Variants in SUSD2 observed in about 807,000 individuals in gnomAD.
SUSD2 encodes sushi domain-containing protein 2.
Under a neutral mutation model 93.8 loss-of-function variants are expected in SUSD2, and 86 were observed. The observed-to-expected ratio is 0.92, with a 90% confidence interval of 0.77 to 1.10. SUSD2 has a LOEUF of 1.10. Ranked by LOEUF, SUSD2 falls within the 50% of genes least tolerant of loss-of-function variation. The pLI is 0.00. For missense variants in SUSD2, 1,060 were observed against 1,137.0 expected (o/e 0.93, Z 0.97); for synonymous variants, 483 against 485.0 (o/e 1.00, Z 0.05).
chr22:24,183,715 G>A lies in SUSD2; in HGVS notation c.439+69G>A, dbSNP rs1399644065. On this transcript the variant is annotated intron_variant, in intron 3 of 14. Transcript: ENST00000358321. ...TCCCCAGCGCTAATCTATGCACACC[G>A]AGACTTGGCCTGTCCGTGCCCTGCC... 2.2e-5 allele frequency: 33 copies of A among 1,522,178 alleles called. No homozygotes were observed. The Middle Eastern group carries it at 7.9e-4, about 37-fold the overall frequency. 94.3% of individuals were successfully genotyped at this position (1,522,178 alleles called of 1,614,324 possible). A position where few individuals can be genotyped will look rare whatever the true frequency, so the allele number is the denominator to read the frequency against.
At position 24,187,422 on chromosome 22, in the gene SUSD2, C is replaced by T. The variant is rs753229163; in HGVS notation, c.1863C>T (p.Pro621=). The T allele has an allele frequency of 3.1e-6, 5 of 1,613,270 alleles. No homozygotes were observed. In the East Asian group the frequency reaches 1.1e-4, roughly 36 times the overall value. Reference sequence around the variant, plus strand: ...GCGTCCTGCCCCCAGGCACCAGTCCCCAGGAGCTGTTCCTGTTTGGGGCCA... The same window carrying T: ...GCGTCCTGCCCCCAGGCACCAGTCCTCAGGAGCTGTTCCTGTTTGGGGCCA... ...SGRVLPPGTS[P]QELFLFGANW... Residue 621 remains proline, a synonymous_variant, in exon 11 of 15, where the codon CCC becomes CCT. Transcript: ENST00000358321.
chr22:24,184,852 T>G lies in SUSD2; in HGVS notation c.694T>G (p.Phe232Val), dbSNP rs1333092068. 6.2e-7 allele frequency: 1 copy of G among 1,613,984 alleles called. No homozygotes were observed. The highest frequency in any genetic ancestry group is 1.7e-5 in the Admixed American group (1 of 60,012). Residue 232 changes from phenylalanine (F) to valine (V), a missense_variant, in exon 5 of 15, where the codon TTC (phenylalanine) becomes GTC (valine). This residue lies in a region of SUSD2 where 973 missense variants were observed against 1,005.3 expected (regional missense o/e 0.97). Transcript: ENST00000358321. ...THIPNSGSFT[F>V]TPKPAPPSYQ... ...CATCCCCAACTCCGGCTCTTTCACT[T>G]TCACCCCAAAACCTGCTCCTCCCAG... is the stretch of plus-strand genomic sequence containing the variant.
rs1332341195 is a variant in SUSD2 at position 24,188,457 on chromosome 22, G to A, written c.*21G>A. On this transcript the variant is annotated 3_prime_UTR_variant, in exon 15 of 15. Coordinates refer to ENST00000358321, the MANE Select transcript of SUSD2 (RefSeq NM_019601.4). This position sits in a 1 kb window ranked among gnomAD's most constrained non-coding sequence, Gnocchi z 4.7. ...CCTGATGGGAGCAGCTTGGCTGTGA[G>A]CACCAGGCCAAGACTCCTGAGAACA... is the stretch of plus-strand genomic sequence containing the variant. 1 of 1,607,304 alleles carries A rather than the reference G, an allele frequency of 6.2e-7. No individual in the cohort carries two copies. Among genetic ancestry groups the A allele is most frequent in the Non-Finnish European group, 8.5e-7 (1 of 1,178,538 alleles).
chr22:24,188,182 C>T lies in SUSD2; in HGVS notation c.2342-43C>T, dbSNP rs748027327. On this transcript the variant is annotated intron_variant, in intron 13 of 14. Coordinates refer to ENST00000358321, the MANE Select transcript of SUSD2 (RefSeq NM_019601.4). This position sits in a 1 kb window ranked among gnomAD's most constrained non-coding sequence, Gnocchi z 4.7. ...ACCTGCCTGCACCTGTCCCCACTCA[C>T]CACCCCAGAGAGCCCCCTCACTGAC... 8 of 1,595,166 alleles carry T rather than the reference C, an allele frequency of 5.0e-6. No homozygotes were observed. In the Admixed American group the frequency reaches 1.2e-4, roughly 24 times the overall value.
chr22:24,187,869 C>T lies in SUSD2; in HGVS notation c.2164+26C>T, dbSNP rs764095441. 5.2e-5 allele frequency: 56 copies of T among 1,076,228 alleles called. 1 individual carries two copies. The highest frequency in any genetic ancestry group is 4.7e-5 in the Non-Finnish European group (34 of 725,592). 66.7% of individuals were successfully genotyped at this position (1,076,228 alleles called of 1,614,324 possible). A position where few individuals can be genotyped will look rare whatever the true frequency, so the allele number is the denominator to read the frequency against. On this transcript the variant is annotated intron_variant, in intron 12 of 14. Transcript: ENST00000358321. ...GTGAGGGCGGGCAGGTGGGGGTGGG[C>T]GGGGAGCTGGGACAGGACCCCCCGG...
At position 24,184,319 on chromosome 22, in the gene SUSD2, G is replaced by T. The variant is rs1456825826; in HGVS notation, c.607+16G>T. The T allele has an allele frequency of 6.2e-7, 1 of 1,610,920 alleles. No individual in the cohort carries two copies. The highest frequency in any genetic ancestry group is 8.5e-7 in the Non-Finnish European group (1 of 1,178,552). ...GAGGAGACAGGTGAGGCCAGCTGAG[G>T]GCTGGGGTGGCATCAGAGCTTTGGG... On this transcript the variant is annotated intron_variant, in intron 4 of 14. Transcript: ENST00000358321.
chr22:24,181,680 C>A, intron 1 of SUSD2, 85 bp downstream of exon 1: 3 of 1,100,190 alleles, frequency 2.7e-6, no homozygotes, highest in Non-Finnish European at 3.9e-6. Flanking sequence ...CTGGGCTCAG[C>A]CTCTGTCCAT....
chr22:24,185,755 G>A lies in SUSD2; in HGVS notation c.1165G>A (p.Gly389Ser), dbSNP rs375763524. ...CAGCGGCGGCAGCACTCCCGACCGC[G>A]GCCATGACTGGGGCGCACCCCCGTT... ...DSSGGSTPDR[G>S]HDWGAPPFRT... Residue 389 changes from glycine to serine, a missense_variant, in exon 8 of 15, where the codon GGC becomes AGC. This residue lies in a region of SUSD2 where 973 missense variants were observed against 1,005.3 expected (regional missense o/e 0.97). Coordinates refer to ENST00000358321, the MANE Select transcript of SUSD2 (RefSeq NM_019601.4). 29 of 1,609,066 alleles carry A rather than the reference G, an allele frequency of 1.8e-5. No homozygotes were observed. Among genetic ancestry groups the A allele is most frequent in the African/African-American group, 1.6e-4 (12 of 74,864 alleles).
chr22:24,183,514 A>C lies in SUSD2; in HGVS notation c.307A>C (p.Thr103Pro), dbSNP rs751641827. The C allele has an allele frequency of 8.1e-6, 13 of 1,612,588 alleles. No homozygotes were observed. The highest frequency in any genetic ancestry group is 6.7e-5 in the Admixed American group (4 of 60,002). ...VICRFKDSIQ[T>P]LGHVDSSGQV... is the part of the protein sequence containing the mutation. ...CCACAGGTTTAAGGACAGCATCCAG[A>C]CCCTCGGCCATGTGGACTCCTCCGG... Residue 103 changes from threonine (T) to proline (P), a missense_variant, in exon 3 of 15, where the codon ACC becomes CCC. This residue lies in a region of SUSD2 where 973 missense variants were observed against 1,005.3 expected (regional missense o/e 0.97). Coordinates refer to ENST00000358321, the MANE Select transcript of SUSD2 (RefSeq NM_019601.4).
At chr22:24,183,679 C>A (rs1265166263) in intron 3 of SUSD2, 33 bp downstream of exon 3, 15 of 1,599,432 alleles carry the variant, frequency 9.4e-6, no homozygotes, top group Middle Eastern at 1.7e-4. Context: ...AGCCTGCCCC[C>A]ACGGGGACTT....
In SUSD2 at chr22:24,187,750, T is replaced by C; in HGVS notation, c.2071T>C (p.Phe691Leu). Residue 691 changes from phenylalanine to leucine, a missense_variant, in exon 12 of 15, where the codon TTT becomes CTT. Physicochemically the swap from Phe to Leu is conservative, Grantham distance 22 (BLOSUM62 0). This residue lies in a region of SUSD2 where 973 missense variants were observed against 1,005.3 expected (regional missense o/e 0.97). Coordinates refer to ENST00000358321, the MANE Select transcript of SUSD2 (RefSeq NM_019601.4). ...KLCGDDHFCN[F>L]DVAATGSLST... Reference sequence around the variant, plus strand: ...ATGTGGGGACGATCATTTCTGCAACTTTGATGTGGCAGCCACTGGGAGCCT... The same window carrying C: ...ATGTGGGGACGATCATTTCTGCAACCTTGATGTGGCAGCCACTGGGAGCCT... 6.2e-7 allele frequency: 1 copy of C among 1,613,980 alleles called. No homozygotes were observed. The highest frequency in any genetic ancestry group is 1.1e-5 in the South Asian group (1 of 91,086).
Position 24,188,704 on chromosome 22 carries a change from T to G in SUSD2, c.*268T>G. On this transcript the variant is annotated 3_prime_UTR_variant, in exon 15 of 15. Transcript: ENST00000358321. This position sits in a 1 kb window ranked among gnomAD's most constrained non-coding sequence, Gnocchi z 4.7. The stretch of plus-strand genomic sequence containing the variant: ...GAAACTTCATACCCTGGGATTCTAA[T>G]ACCTATGTCCTGAGCCCTGACACTC... 1 of 481,610 alleles carries G rather than the reference T, an allele frequency of 2.1e-6. No individual in the cohort carries two copies. The allele number at this position is 481,610 out of a possible 1,614,324, so 29.8% of individuals were successfully genotyped here. A position where few individuals can be genotyped will look rare whatever the true frequency, so the allele number is the denominator to read the frequency against.
chr22:24,184,120 C>T lies in SUSD2; in HGVS notation c.440-16C>T. ...TGGGCCCAGGCCCTCACTCACCCCTCACCTCCCCTGCCCAGTGCACCCCAA... is the reference window on the plus strand; with the variant it reads ...TGGGCCCAGGCCCTCACTCACCCCTTACCTCCCCTGCCCAGTGCACCCCAA... On this transcript the variant is annotated splice_polypyrimidine_tract_variant and intron_variant, in intron 3 of 14. Transcript: ENST00000358321. 1 of 1,611,402 alleles carries T rather than the reference C, an allele frequency of 6.2e-7. No homozygotes were observed. Among genetic ancestry groups the T allele is most frequent in the Non-Finnish European group, 8.5e-7 (1 of 1,179,842 alleles).
rs781470125 is a variant in SUSD2, at chr22:24,187,796, G to A, written c.2117G>A (p.Arg706Gln). 13 of 1,613,532 alleles carry A rather than the reference G, an allele frequency of 8.1e-6. No homozygotes were observed. The highest frequency in any genetic ancestry group is 2.7e-5 in the African/African-American group (2 of 74,930). Residue 706 changes from arginine to glutamine, a missense_variant, in exon 12 of 15, where the codon CGG becomes CAG. By Grantham distance (43) the Arg-to-Gln change is conservative (BLOSUM62 1). This residue lies in a region of SUSD2 where 973 missense variants were observed against 1,005.3 expected (regional missense o/e 0.97). Transcript: ENST00000358321. ...AGCCTGAGCACGGGCACTGCCACTC[G>A]GGTGGCCCACCAGCTGCACCAGCGT... ...TGSLSTGTAT[R>Q]VAHQLHQRRM...
Position 24,185,699 on chromosome 22 carries a change from C to A in SUSD2, c.1109C>A (p.Ala370Glu), listed in dbSNP as rs773702080. The A allele has an allele frequency of 2.4e-5, 39 of 1,610,714 alleles. No individual in the cohort carries two copies. The highest frequency in any genetic ancestry group is 3.3e-4 in the Middle Eastern group (2 of 6,052). Residue 370 changes from alanine to glutamate, a missense_variant, in exon 8 of 15, where the codon GCG becomes GAG. Around this residue, in one of 2 missense-constraint regions of SUSD2, gnomAD observed 973 missense variants for 1,005.3 expected, o/e 0.97. Transcript: ENST00000358321. ...TCAGGTCAGCAGTGCTGCTACACAG[C>A]GGACGGGACGCAGCTCCTGACAGCT... ...YGSGQQCCYT[A>E]DGTQLLTADS... is the part of the protein sequence containing the mutation.
rs1318122117 is a variant in SUSD2 at position 24,184,311 on chromosome 22, C to T, written c.607+8C>T. The T allele has an allele frequency of 6.2e-7, 1 of 1,612,242 alleles. No homozygotes were observed. The highest frequency in any genetic ancestry group is 8.5e-7 in the Non-Finnish European group (1 of 1,179,392). ...GGGGCTACGAGGAGACAGGTGAGGC[C>T]AGCTGAGGGCTGGGGTGGCATCAGA... On this transcript the variant is annotated splice_region_variant and intron_variant, in intron 4 of 14. Coordinates refer to ENST00000358321, the MANE Select transcript of SUSD2 (RefSeq NM_019601.4).
At position 24,185,296 on chromosome 22, in the gene SUSD2, G is replaced by C; in HGVS notation, c.984+1G>C. 1 of 1,602,756 alleles carries C rather than the reference G, an allele frequency of 6.2e-7. No homozygotes were observed. The highest frequency in any genetic ancestry group is 1.1e-5 in the South Asian group (1 of 90,726). ...CCGGGCTGACTCCGGCCGCTTCTTC[G>C]TGAGCCTCCCATCAGGGCCCAGGAG... On this transcript the variant is annotated splice_donor_variant, in intron 6 of 14. Transcript: ENST00000358321. LOFTEE classifies it high-confidence loss of function.
chr22:24,184,658 G>A, intron 4 of SUSD2, 108 bp from the exon 5 acceptor site: 2 of 921,180 alleles, frequency 2.2e-6, no homozygotes, highest in South Asian at 3.3e-5. Flanking sequence ...CCTCCTAAGG[G>A]GACCGCCTGG....
At position 24,188,782 on chromosome 22, in the gene SUSD2, GGCCCCTGACCCCTGA is replaced by G; in HGVS notation, c.*350_*364del. The G allele has an allele frequency of 4.0e-6, 1 of 248,390 alleles. No homozygotes were observed. Among genetic ancestry groups the G allele is most frequent in the South Asian group, 6.9e-5 (1 of 14,418 alleles). 15.4% of individuals were successfully genotyped at this position (248,390 alleles called of 1,614,324 possible). On this transcript the variant is annotated 3_prime_UTR_variant, in exon 15 of 15. Coordinates refer to ENST00000358321, the MANE Select transcript of SUSD2 (RefSeq NM_019601.4). This position sits in a 1 kb window ranked among gnomAD's most constrained non-coding sequence, Gnocchi z 4.7. ...CTCACTCCCTAGAGCCTGACGCCGG[GGCCCCTGACCCCTGA>G]GCCTCAGATTCCAATACCTCACTCC...
Sources: allele counts gnomAD v4.1 joint callset, GRCh38; gene constraint gnomAD v4.1.1; regional missense constraint gnomAD v4.1.1; non-coding constraint Gnocchi (gnomAD v3.1); transcripts MANE v1.5; gene names NCBI Gene and HGNC (gene_info 2026-07-23, HGNC 2026-07-21).